Variants in GMCL1 observed in about 807,000 individuals in gnomAD.
GMCL1 encodes the protein germ cell-less protein-like 1.
In GMCL1, 54 loss-of-function variants were observed where a neutral mutation model predicts 75.5. The ratio of observed to expected loss-of-function variants is 0.71; its 90% CI spans 0.57 to 0.90. GMCL1 has a LOEUF of 0.90. Among genes scored for constraint, GMCL1 ranks in the 40% least tolerant of loss-of-function variants. The pLI, the probability that GMCL1 is intolerant of heterozygous loss-of-function variation, is 0.00. For missense variants in GMCL1, 537 were observed against 622.7 expected (o/e 0.86, Z 1.47); for synonymous variants, 210 against 209.6 (o/e 1.00, Z -0.02).
At chr2:69,875,804 C>T (rs1676114413) in intron 13 of GMCL1, among the ~76,000 whole-genome samples, 1 of 152,082 alleles carries the variant, frequency 6.6e-6, no homozygotes, top group Non-Finnish European at 1.5e-5. Context: ...AAGCGATTCC[C>T]CTGCCTCAGC....
chr2:69,880,978 A>G lies in GMCL1; in HGVS notation c.*1974A>G, dbSNP rs539939551. 2.0e-5 allele frequency: 3 copies of G among 151,882 alleles called. No homozygotes were observed. The East Asian group carries it at 5.8e-4, about 29-fold the overall frequency. The allele number at this position is 151,882 out of a possible 1,614,324, so 9.4% of individuals were successfully genotyped here. A position where few individuals can be genotyped will look rare whatever the true frequency, so the allele number is the denominator to read the frequency against. On this transcript the variant is annotated 3_prime_UTR_variant, in exon 14 of 14. Coordinates refer to ENST00000282570, the MANE Select transcript of GMCL1 (RefSeq NM_178439.5). ...ATAAGAGTTTCCTTACCCTTTATGT[A>G]TTGAAAAATATATAAATTCCAAACT... is the stretch of plus-strand genomic sequence containing the variant.
intron 3 of GMCL1, 138 bp downstream of exon 3, chr2:69,839,691 G>A (rs1037832683): frequency 3.6e-6 from 2 of 548,880 alleles, no homozygotes; most frequent in Non-Finnish European, 6.7e-6. Flanking sequence ...ATTTGATGTT[G>A]ATTTACACCA....
At chr2:69,866,434 T>C (rs1675819882) in intron 11 of GMCL1, among the ~76,000 whole-genome samples, 1 of 152,160 alleles carries the variant, frequency 6.6e-6, no homozygotes, top group Non-Finnish European at 1.5e-5. Context: ...TTTGACTTTA[T>C]TTATTTTTAA....
Position 69,837,638 on chromosome 2 carries a change from G to A in GMCL1, c.352G>A (p.Glu118Lys), listed in dbSNP as rs766464400. Residue 118 changes from glutamate (E) to lysine (K), a missense_variant, in exon 2 of 14, where the codon GAA becomes AAA. Glu to Lys is a moderately conservative substitution (Grantham distance 56). Coordinates refer to ENST00000282570, the MANE Select transcript of GMCL1 (RefSeq NM_178439.5). Reference protein sequence around the residue: ...SDIKICALGEEWSLHKIYLCQ... With the variant: ...SDIKICALGEKWSLHKIYLCQ... ...CATTAAGATTTGTGCTCTAGGAGAAGAATGGAGCTTACACAAAATATATTT... is the reference window on the plus strand; with the variant it reads ...CATTAAGATTTGTGCTCTAGGAGAAAAATGGAGCTTACACAAAATATATTT... 1 of 1,603,344 alleles carries A rather than the reference G, an allele frequency of 6.2e-7. No homozygotes were observed. The highest frequency in any genetic ancestry group is 8.5e-7 in the Non-Finnish European group (1 of 1,177,130).
chr2:69,858,222 C>G (rs1191999383), intron 9 of GMCL1, among the ~76,000 whole-genome samples: 2 of 152,128 alleles, frequency 1.3e-5, no homozygotes, highest in Admixed American at 1.3e-4. Context: ...GCCATGTTAC[C>G]CAGGCTGTTC....
At position 69,859,645 on chromosome 2, in the gene GMCL1, A is replaced by G. The variant is rs1015358467; in HGVS notation, c.1073-1633A>G. Among the ~76,000 whole-genome samples, 3 of 150,752 alleles carry G rather than the reference A, an allele frequency of 2.0e-5. No homozygotes were observed. In the East Asian group the frequency reaches 5.8e-4, roughly 29 times the overall value. On this transcript the variant is annotated intron_variant, in intron 9 of 13. Transcript: ENST00000282570. ...CAGCTACTCTGGAGGCTGAGAGGAG[A>G]ACTGCTTGAGCCCAGGAGTTCAAGG...
rs1434857951 is a variant in GMCL1, at chr2:69,878,961, T to C, written c.1505T>C (p.Ile502Thr). 6.2e-7 allele frequency: 1 copy of C among 1,610,446 alleles called. No homozygotes were observed. Among genetic ancestry groups the C allele is most frequent in the Non-Finnish European group, 8.5e-7 (1 of 1,176,840 alleles). ...DSRLLIFPLYICCNFLYISPE... is the reference protein window; with the variant it reads ...DSRLLIFPLYTCCNFLYISPE... The stretch of plus-strand genomic sequence containing the variant: ...AGGCTTCTGATCTTCCCTTTATATA[T>C]CTGCTGTAACTTCTTGTATATATCA... The change falls in exon 14 of 14, where the codon ATC becomes ACC. Residue 502 changes from isoleucine to threonine, a missense_variant. Around this residue, in one of 3 missense-constraint regions of GMCL1, gnomAD observed 345 missense variants for 410.5 expected, o/e 0.84. Transcript: ENST00000282570.
intron 10 of GMCL1, among the ~76,000 whole-genome samples, chr2:69,864,369 T>G (rs1417720390): frequency 6.6e-6 from 1 of 151,938 alleles, no homozygotes; most frequent in Non-Finnish European, 1.5e-5. Flanking sequence ...TAACAGTATT[T>G]CTCTTAGTTG....
At chr2:69,848,733 T>C (rs1172962148) in intron 7 of GMCL1, among the ~76,000 whole-genome samples, 7 of 152,218 alleles carry the variant, frequency 4.6e-5, no homozygotes, top group Non-Finnish European at 4.4e-5. Flanking sequence ...ACAGGATGTT[T>C]ACGTGCCGTG....
At position 69,871,726 on chromosome 2, in the gene GMCL1, A is replaced by T. The variant is rs959937787; in HGVS notation, c.1365-19A>T. On this transcript the variant is annotated intron_variant, in intron 12 of 13. Coordinates refer to ENST00000282570, the MANE Select transcript of GMCL1 (RefSeq NM_178439.5). ...TTTAAAAATCTTGTGTTTATTTTTT[A>T]TTTTTTTTTTAATCCTAGATTACGT... The T allele has an allele frequency of 7.1e-5, 87 of 1,227,826 alleles. No individual in the cohort carries two copies. The highest frequency in any genetic ancestry group is 7.1e-4 in the African/African-American group (46 of 64,944). The allele number at this position is 1,227,826 out of a possible 1,614,324, so 76.1% of individuals were successfully genotyped here.
At chr2:69,856,922 T>C (rs1047175692) in intron 9 of GMCL1, among the ~76,000 whole-genome samples, 1 of 152,152 alleles carries the variant, frequency 6.6e-6, no homozygotes, top group East Asian at 1.9e-4. Flanking sequence ...AACAAATACA[T>C]TTAATATCCC....
intron 9 of GMCL1, among the ~76,000 whole-genome samples, chr2:69,858,438 A>G (rs996120803): frequency 6.6e-5 from 10 of 152,188 alleles, no homozygotes; most frequent in Non-Finnish European, 1.2e-4. Context: ...CTTTTTCAGA[A>G]TCTTTCCAGC....
At chr2:69,842,327 A>G (rs1026988045) in intron 4 of GMCL1, among the ~76,000 whole-genome samples, 1 of 152,132 alleles carries the variant, frequency 6.6e-6, no homozygotes, top group African/African-American at 2.4e-5. Context: ...AAAATTGTTT[A>G]CTTTTATGTG....
chr2:69,852,560 C>T (rs1199153894), intron 8 of GMCL1, among the ~76,000 whole-genome samples: 3 of 143,218 alleles, frequency 2.1e-5, no homozygotes, highest in African/African-American at 8.4e-5. Context: ...TTTTTTGAGA[C>T]AGAGTCTTGC....
At chr2:69,850,349 A>G (rs1675281316) in intron 8 of GMCL1, among the ~76,000 whole-genome samples, 1 of 144,486 alleles carries the variant, frequency 6.9e-6, no homozygotes, top group African/African-American at 2.5e-5. Context: ...TGTGTATACT[A>G]AGTTAAAATG....
intron 13 of GMCL1, among the ~76,000 whole-genome samples, chr2:69,872,964 C>T (rs889681350): frequency 6.6e-6 from 1 of 152,192 alleles, no homozygotes; most frequent in Non-Finnish European, 1.5e-5. Flanking sequence ...GCTTGGTTCT[C>T]AGCTAGAAGT....
At chr2:69,858,352 A>T (rs2104006108) in intron 9 of GMCL1, among the ~76,000 whole-genome samples, 1 of 152,310 alleles carries the variant, frequency 6.6e-6, no homozygotes, top group East Asian at 1.9e-4. Context: ...TGGTCTGATA[A>T]AGTTTAAAAT....
Position 69,876,950 on chromosome 2 carries a change from C to T in GMCL1, c.1453-1959C>T, listed in dbSNP as rs997994966. On this transcript the variant is annotated intron_variant, in intron 13 of 13. Transcript: ENST00000282570. ...CTGCAATGAGCCATGATCATGCCACCGCACTCCAGCCTGGGTGACAGAGTC... is the reference window on the plus strand; with the variant it reads ...CTGCAATGAGCCATGATCATGCCACTGCACTCCAGCCTGGGTGACAGAGTC... Among the ~76,000 whole-genome samples the T allele has an allele frequency of 5.3e-5, 8 of 152,210 alleles. No individual in the cohort carries two copies. The East Asian group carries it at 7.7e-4, about 15-fold the overall frequency.
chr2:69,852,624 CA>C (rs1675351804), intron 8 of GMCL1, among the ~76,000 whole-genome samples: 1 of 151,896 alleles, frequency 6.6e-6, no homozygotes, highest in Non-Finnish European at 1.5e-5. Flanking sequence ...GTGCAACCTC[CA>C]CCTCCCAGAT....
Sources: allele counts gnomAD v4.1 joint callset (sites outside exome capture counted in the v4.1 genomes callset), GRCh38; gene constraint gnomAD v4.1.1; regional missense constraint gnomAD v4.1.1; transcripts MANE v1.5; gene names NCBI Gene and HGNC (gene_info 2026-07-23, HGNC 2026-07-21).